Variants in IL1RAPL2 observed in about 807,000 individuals in gnomAD.
The protein encoded by IL1RAPL2 is X-linked interleukin-1 receptor accessory protein-like 2.
IL1RAPL2 carries 3 observed loss-of-function variants against 44.1 expected under a neutral mutation model. That is an observed-to-expected ratio of 0.07 (90% CI 0.03 to 0.18). The LOEUF (loss-of-function observed/expected upper bound fraction) is 0.18. Ranked by LOEUF, IL1RAPL2 falls within the 10% of genes least tolerant of loss-of-function variation. The pLI, the probability that IL1RAPL2 is intolerant of heterozygous loss-of-function variation, is 1.00. For missense variants in IL1RAPL2, 391 were observed against 496.4 expected (o/e 0.79, Z 2.02); for synonymous variants, 181 against 178.8 (o/e 1.01, Z -0.10).
At chrX:105,532,799 T>G (rs766752233) in intron 6 of IL1RAPL2, among the ~76,000 whole-genome samples, 2 of 111,559 alleles carry the variant, frequency 1.8e-5, no homozygotes, top group Non-Finnish European at 3.8e-5. Context: ...TTTTCCAATT[T>G]CTTACTTTTT....
chrX:105,669,743 A>G (rs1413625991), intron 6 of IL1RAPL2, among the ~76,000 whole-genome samples: 4 of 110,050 alleles, frequency 3.6e-5, no homozygotes, highest in African/African-American at 1.3e-4. Context: ...TTCATGTTGC[A>G]CTTCTATAGT....
At chrX:105,244,993 T>C (rs770831853) in intron 4 of IL1RAPL2, among the ~76,000 whole-genome samples, 3 of 111,891 alleles carry the variant, frequency 2.7e-5, no homozygotes, top group African/African-American at 6.5e-5. Flanking sequence ...AACCCAGTGA[T>C]TGGCACAAGA....
intron 2 of IL1RAPL2, among the ~76,000 whole-genome samples, chrX:105,110,973 A>G (rs2032795482): frequency 8.9e-6 from 1 of 111,966 alleles, no homozygotes; most frequent in South Asian, 3.7e-4. Flanking sequence ...AAATAAAAAT[A>G]AAACATGGAG....
chrX:105,710,507 A>G (rs2038200819), intron 6 of IL1RAPL2, among the ~76,000 whole-genome samples: 1 of 109,066 alleles, frequency 9.2e-6, no homozygotes, highest in Non-Finnish European at 1.9e-5. Context: ...CTTTATCTCA[A>G]CTATAATTTA....
chrX:105,135,384 CTGTT>C (rs1367937769), intron 2 of IL1RAPL2, among the ~76,000 whole-genome samples: 7 of 111,457 alleles, frequency 6.3e-5, no homozygotes, highest in Non-Finnish European at 9.4e-5. Flanking sequence ...AATTAGTTGG[CTGTT>C]TATCTAGATT....
At chrX:105,006,543 A>C (rs1460048758) in intron 2 of IL1RAPL2, among the ~76,000 whole-genome samples, 1 of 111,270 alleles carries the variant, frequency 9.0e-6, no homozygotes, top group Non-Finnish European at 1.9e-5. Context: ...ATATTCATTT[A>C]GGCATTACAT....
intron 3 of IL1RAPL2, among the ~76,000 whole-genome samples, chrX:105,227,925 G>A (rs2034033039): frequency 9.0e-6 from 1 of 111,505 alleles, no homozygotes; most frequent in South Asian, 3.7e-4. Flanking sequence ...ATAAATACAT[G>A]TATATTCTTT....
chrX:104,917,336 A>G (rs1169272373), intron 2 of IL1RAPL2, among the ~76,000 whole-genome samples: 1 of 112,284 alleles, frequency 8.9e-6, no homozygotes, highest in Admixed American at 9.4e-5. Context: ...GATGGCAGAG[A>G]AAACAATTCC....
At chrX:105,010,418 C>T (rs1405724128) in intron 2 of IL1RAPL2, among the ~76,000 whole-genome samples, 1 of 111,391 alleles carries the variant, frequency 9.0e-6, no homozygotes, top group Non-Finnish European at 1.9e-5. Flanking sequence ...ATTTGTTTCT[C>T]TTCTACAAGA....
At chrX:105,266,228 G>A (rs1301400310) in intron 4 of IL1RAPL2, among the ~76,000 whole-genome samples, 1 of 110,121 alleles carries the variant, frequency 9.1e-6, no homozygotes, top group Non-Finnish European at 1.9e-5. Context: ...TTTTAGTAGA[G>A]ACAGGGTTTT....
chrX:105,722,741 G>A (rs2038316603), intron 7 of IL1RAPL2, among the ~76,000 whole-genome samples: 1 of 111,214 alleles, frequency 9.0e-6, no homozygotes, highest in Non-Finnish European at 1.9e-5. Context: ...CCTTAGACTG[G>A]GGTAATTTAT....
intron 2 of IL1RAPL2, among the ~76,000 whole-genome samples, chrX:104,946,166 A>G (rs1925342535): frequency 1.9e-5 from 2 of 103,666 alleles, no homozygotes; most frequent in Admixed American, 2.1e-4. Flanking sequence ...AGGTCAGGAG[A>G]TCGAGACCAT....
chrX:105,651,608 C>T (rs367944623), intron 6 of IL1RAPL2, among the ~76,000 whole-genome samples: 1 of 111,643 alleles, frequency 9.0e-6, no homozygotes, highest in Admixed American at 9.5e-5. Flanking sequence ...TTACAATGTG[C>T]TATTTGCATT....
At chrX:104,753,487 C>G (rs1284165847) in intron 2 of IL1RAPL2, among the ~76,000 whole-genome samples, 1 of 111,274 alleles carries the variant, frequency 9.0e-6, no homozygotes, top group Non-Finnish European at 1.9e-5. Context: ...TCTAAAACAT[C>G]CGAGTATTTT....
At chrX:104,912,465 T>G (rs1266532033) in intron 2 of IL1RAPL2, among the ~76,000 whole-genome samples, 1 of 111,242 alleles carries the variant, frequency 9.0e-6, no homozygotes, top group African/African-American at 3.3e-5. Flanking sequence ...TGGACTAGTA[T>G]AAGTATTAAT....
intron 5 of IL1RAPL2, among the ~76,000 whole-genome samples, chrX:105,350,028 A>T (rs765676377): frequency 4.5e-5 from 5 of 112,237 alleles, no homozygotes; most frequent in African/African-American, 6.5e-5. Flanking sequence ...AATATGTGGC[A>T]CTGGACACAA....
At chrX:105,230,443 G>C (rs2034058625) in intron 3 of IL1RAPL2, among the ~76,000 whole-genome samples, 1 of 106,450 alleles carries the variant, frequency 9.4e-6, no homozygotes, top group Admixed American at 1.0e-4. Flanking sequence ...TTATATATTA[G>C]ATATGTATAT....
intron 2 of IL1RAPL2, among the ~76,000 whole-genome samples, chrX:104,686,609 C>A (rs1325920932): frequency 8.9e-6 from 1 of 111,960 alleles, no homozygotes; most frequent in African/African-American, 3.2e-5. Context: ...GTTTCCTGGT[C>A]AGCCCCTGAA....
intron 2 of IL1RAPL2, among the ~76,000 whole-genome samples, chrX:104,898,610 G>A (rs1923722875): frequency 8.9e-6 from 1 of 112,429 alleles, no homozygotes; most frequent in Non-Finnish European, 1.9e-5. Context: ...AACCAGACAT[G>A]TAGCCAGAAC....
Sources: gnomAD v4.1 joint callset for allele counts (sites outside exome capture counted in the v4.1 genomes callset) on GRCh38, gnomAD v4.1.1 for gene constraint, MANE v1.5 for transcripts, NCBI Gene and HGNC (gene_info 2026-07-23, HGNC 2026-07-21) for gene names.